The following FOXN3 variants were observed in gnomAD, a reference collection of about 807,000 sequenced individuals.
FOXN3 encodes the protein forkhead box N3, also known as forkhead box protein N3.
FOXN3 carries 7 observed loss-of-function variants against 38.4 expected under a neutral mutation model. The ratio of observed to expected loss-of-function variants is 0.18; its 90% CI spans 0.10 to 0.34. The LOEUF (loss-of-function observed/expected upper bound fraction) is 0.34, where lower values mean the gene tolerates loss of function less well. Ranked by LOEUF, FOXN3 falls within the 10% of genes least tolerant of loss-of-function variation. The pLI is 1.00. For missense variants in FOXN3, 456 were observed against 613.4 expected (o/e 0.74, Z 2.71); for synonymous variants, 230 against 242.2 (o/e 0.95, Z 0.47).
intron 1 of FOXN3, among the ~76,000 whole-genome samples, chr14:89,461,083 C>CGG (rs1892838235): frequency 6.6e-6 from 1 of 151,650 alleles, no homozygotes; most frequent in East Asian, 1.9e-4. Context: ...CCTGTAATCC[C>CGG]AGCACTTTGG....
chr14:89,291,547 G>A, intron 3 of FOXN3: 1 of 573,734 alleles, frequency 1.7e-6, no homozygotes, highest in South Asian at 1.4e-5. Context: ...ACTCCAGGCA[G>A]CTGACAGCCC....
intron 1 of FOXN3, among the ~76,000 whole-genome samples, chr14:89,552,262 G>A (rs1895019755): frequency 6.6e-6 from 1 of 152,162 alleles, no homozygotes; most frequent in African/African-American, 2.4e-5. Context: ...TTACTGAAGT[G>A]GGGCCAGAAA....
chr14:89,277,040 A>T (rs576474007), intron 4 of FOXN3, among the ~76,000 whole-genome samples: 5 of 152,224 alleles, frequency 3.3e-5, no homozygotes, highest in Admixed American at 1.3e-4. Flanking sequence ...ACAACAAATC[A>T]TCCAAGGGTG....
intron 4 of FOXN3, among the ~76,000 whole-genome samples, chr14:89,220,626 G>A (rs1305525899): frequency 1.3e-5 from 2 of 152,162 alleles, no homozygotes; most frequent in Admixed American, 6.5e-5. Context: ...CGGGAAGAGA[G>A]CGGTGGCCAT....
At chr14:89,506,563 C>T (rs1481960264) in intron 1 of FOXN3, among the ~76,000 whole-genome samples, 4 of 151,270 alleles carry the variant, frequency 2.6e-5, no homozygotes, top group Non-Finnish European at 4.4e-5. Flanking sequence ...CGCCTCTGCC[C>T]GGCCGCCCCT....
chr14:89,491,465 T>A (rs775020522), intron 1 of FOXN3, among the ~76,000 whole-genome samples: 8 of 152,186 alleles, frequency 5.3e-5, no homozygotes, highest in African/African-American at 9.7e-5. Flanking sequence ...GAGGTAACGG[T>A]GAGAGCAAAT....
At chr14:89,519,711 A>C (rs1387237573) in intron 1 of FOXN3, among the ~76,000 whole-genome samples, 1 of 152,164 alleles carries the variant, frequency 6.6e-6, no homozygotes, top group African/African-American at 2.4e-5. Context: ...TGGAAGGGGG[A>C]CAGTAATGCC....
chr14:89,559,632 C>T (rs147723818), intron 1 of FOXN3, among the ~76,000 whole-genome samples: 328 of 151,964 alleles, frequency 2.2e-3, no homozygotes, highest in African/African-American at 7.5e-3. Flanking sequence ...GCCAAGATTG[C>T]GCCACTGGAC....
intron 4 of FOXN3, among the ~76,000 whole-genome samples, chr14:89,277,086 G>T (rs188114997): frequency 3.9e-5 from 6 of 152,280 alleles, no homozygotes; most frequent in African/African-American, 1.4e-4. Flanking sequence ...TAAGTTTGAT[G>T]GGTGAATGGA....
chr14:89,216,880 T>C (rs1253067942), intron 4 of FOXN3, among the ~76,000 whole-genome samples: 1 of 152,230 alleles, frequency 6.6e-6, no homozygotes, highest in Non-Finnish European at 1.5e-5. Flanking sequence ...CACAGCCATC[T>C]GATTTTCCAT....
chr14:89,268,877 G>C (rs1014734158), intron 4 of FOXN3, among the ~76,000 whole-genome samples: 1 of 152,182 alleles, frequency 6.6e-6, no homozygotes, highest in African/African-American at 2.4e-5. Context: ...GTGAGCCACC[G>C]CAACTTGGGC....
rs1343881736 is a variant in FOXN3, at chr14:89,161,535, C to G, written c.*879G>C. The G allele has an allele frequency of 7.0e-6, 1 of 143,192 alleles. No homozygotes were observed. Among genetic ancestry groups the G allele is most frequent in the African/African-American group, 2.6e-5 (1 of 38,088 alleles). 8.9% of individuals were successfully genotyped at this position (143,192 alleles called of 1,614,324 possible). On this transcript the variant is annotated 3_prime_UTR_variant, in exon 6 of 6. Coordinates refer to ENST00000557258, the MANE Select transcript of FOXN3 (RefSeq NM_005197.4). ...AGAAGACACAGCTTGTTTTCCCCAT[C>G]AGTTTTCTCTCTCTCTCCTTCGTGT... is the stretch of plus-strand genomic sequence containing the variant.
At chr14:89,423,583 AT>A (rs1272594172) in intron 1 of FOXN3, among the ~76,000 whole-genome samples, 1 of 152,244 alleles carries the variant, frequency 6.6e-6, no homozygotes, top group Non-Finnish European at 1.5e-5. Flanking sequence ...TGAGAAAAAA[AT>A]TATCACTCTA....
At chr14:89,337,688 G>A (rs1263735886) in intron 3 of FOXN3, among the ~76,000 whole-genome samples, 7 of 148,718 alleles carry the variant, frequency 4.7e-5, no homozygotes, top group Admixed American at 4.1e-4. Context: ...AGAGTGCAGT[G>A]GCACAATCTC....
chr14:89,191,543 C>T (rs770877449), intron 4 of FOXN3, among the ~76,000 whole-genome samples: 2 of 152,180 alleles, frequency 1.3e-5, no homozygotes, highest in South Asian at 4.1e-4. Flanking sequence ...GTACAAATTA[C>T]ATACCAAAAA....
rs1892670736 is a variant in FOXN3 at position 89,453,999 on chromosome 14, C to G, written c.-14-41509G>C. 4.0e-5 allele frequency among the ~76,000 whole-genome samples: 5 copies of G among 124,044 alleles called. No individual in the cohort carries two copies. The South Asian group carries it at 1.3e-3, about 31-fold the overall frequency. 81.4% of individuals were successfully genotyped at this position (124,044 alleles called of 152,430 possible). On this transcript the variant is annotated intron_variant, in intron 1 of 6. Transcript: ENST00000345097. ...GGGGTCCCCAAGATGAAATTAATGC[C>G]CTCTTAAGAAGAAGAAGAAGAAGGA...
intron 4 of FOXN3, among the ~76,000 whole-genome samples, chr14:89,222,661 C>T (rs992221546): frequency 6.6e-6 from 1 of 152,078 alleles, no homozygotes; most frequent in Non-Finnish European, 1.5e-5. Context: ...CTCAGCAAGC[C>T]GGGAAGGCAG....
chr14:89,309,780 A>G (rs1887477672), intron 3 of FOXN3, among the ~76,000 whole-genome samples: 1 of 152,184 alleles, frequency 6.6e-6, no homozygotes, highest in African/African-American at 2.4e-5. Context: ...AGTAAAAAGA[A>G]TCTCACTTAG....
At chr14:89,238,435 G>T (rs1333706478) in intron 4 of FOXN3, among the ~76,000 whole-genome samples, 1 of 152,164 alleles carries the variant, frequency 6.6e-6, no homozygotes, top group Non-Finnish European at 1.5e-5. Flanking sequence ...TCACGGAGGA[G>T]GACTTAAATG....
Sources: allele counts gnomAD v4.1 joint callset (sites outside exome capture counted in the v4.1 genomes callset), GRCh38; gene constraint gnomAD v4.1.1; transcripts MANE v1.5; gene names NCBI Gene and HGNC (gene_info 2026-07-23, HGNC 2026-07-21).